Variants in AKT3 observed in about 807,000 individuals in gnomAD.
AKT3 encodes RAC-gamma serine/threonine-protein kinase.
Under a neutral mutation model 65.3 loss-of-function variants are expected in AKT3, and 15 were observed. The observed-to-expected ratio is 0.23, with a 90% CI of 0.15 to 0.35. The LOEUF (loss-of-function observed/expected upper bound fraction) is 0.35. Among genes scored for constraint, AKT3 ranks in the 10% least tolerant of loss-of-function variants. The pLI is 1.00. For synonymous variants in AKT3, 206 were observed against 183.8 expected (o/e 1.12, Z -0.98); for missense variants, 243 against 576.5 (o/e 0.42, Z 5.92).
chr1:243,609,823 AT>A lies in AKT3; in HGVS notation c.696+3847del, dbSNP rs1255699125. 2.0e-5 allele frequency among the ~76,000 whole-genome samples: 3 copies of A among 152,242 alleles called. No homozygotes were observed. In the East Asian group the frequency reaches 5.8e-4, roughly 29 times the overall value. On this transcript the variant is annotated intron_variant, in intron 8 of 13. Coordinates refer to ENST00000673466, the MANE Select transcript of AKT3 (RefSeq NM_005465.7). Reference sequence around the variant, plus strand: ...TCTGAAAATCTGCTTTTAGTGTAAAATTTTTTTCAATAATCATCAATTAATT... The same window carrying A: ...TCTGAAAATCTGCTTTTAGTGTAAAATTTTTTCAATAATCATCAATTAATT...
intron 13 of AKT3, among the ~76,000 whole-genome samples, chr1:243,510,587 C>A (rs1669953145): frequency 6.6e-6 from 1 of 152,188 alleles, no homozygotes; most frequent in South Asian, 2.1e-4. Context: ...GGAAGAAGAG[C>A]ATTCCAGGCC....
intron 2 of AKT3, among the ~76,000 whole-genome samples, chr1:243,772,758 C>T (rs1256814026): frequency 6.6e-6 from 1 of 152,050 alleles, no homozygotes; most frequent in Non-Finnish European, 1.5e-5. Context: ...TGAGGCACTA[C>T]TCACAATAGC....
At position 243,616,307 on chromosome 1, in the gene AKT3, TAAAA is replaced by T. The variant is rs57576796; in HGVS notation, c.562-1150_562-1147del. Among the ~76,000 whole-genome samples the T allele has an allele frequency of 7.1e-3, 476 of 66,780 alleles. 5 individuals are homozygous for T. The highest frequency in any genetic ancestry group is 0.027 in the African/African-American group (457 of 17,050). 43.8% of individuals were successfully genotyped at this position (66,780 alleles called of 152,430 possible). A position where few individuals can be genotyped will look rare whatever the true frequency, so the allele number is the denominator to read the frequency against. ...GACTACAGGTTTAATGTGCTTTTCT[TAAAA>T]AAAAAAAAAAAAAAAAAAAAAGCTC... On this transcript the variant is annotated intron_variant, in intron 6 of 13. Coordinates refer to ENST00000673466, the MANE Select transcript of AKT3 (RefSeq NM_005465.7).
At chr1:243,580,338 C>T (rs1235466705) in intron 8 of AKT3, among the ~76,000 whole-genome samples, 3 of 152,170 alleles carry the variant, frequency 2.0e-5, no homozygotes, top group African/African-American at 7.2e-5. Context: ...AGGGAGAGCA[C>T]TTTGTTTCTC....
intron 2 of AKT3, among the ~76,000 whole-genome samples, chr1:243,723,250 T>C (rs1687020892): frequency 6.6e-6 from 1 of 152,212 alleles, no homozygotes; most frequent in African/African-American, 2.4e-5. Context: ...AGATAACGTC[T>C]AGCCTAGGAG....
At chr1:243,532,909 C>CA (rs1156517078) in intron 12 of AKT3, among the ~76,000 whole-genome samples, 1 of 152,180 alleles carries the variant, frequency 6.6e-6, no homozygotes, top group Non-Finnish European at 1.5e-5. Flanking sequence ...GTGTCCATTT[C>CA]ATCTAGGTTA....
intron 2 of AKT3, among the ~76,000 whole-genome samples, chr1:243,742,848 G>C (rs888254451): frequency 9.9e-5 from 15 of 150,960 alleles, no homozygotes; most frequent in African/African-American, 3.4e-4. Flanking sequence ...GGGGCTCCAG[G>C]GTATCTTTTT....
chr1:243,726,750 G>A (rs563004987), intron 2 of AKT3, among the ~76,000 whole-genome samples: 1 of 152,276 alleles, frequency 6.6e-6, no homozygotes, highest in South Asian at 2.1e-4. Context: ...TCAAACTTAT[G>A]TTTTTATTTT....
At chr1:243,660,675 A>C (rs1682237163) in intron 4 of AKT3, among the ~76,000 whole-genome samples, 1 of 152,040 alleles carries the variant, frequency 6.6e-6, no homozygotes, top group Non-Finnish European at 1.5e-5. Flanking sequence ...CTCTCTCACC[A>C]CTCCTGTTCA....
chr1:243,516,223 T>G (rs1195061890), intron 12 of AKT3, among the ~76,000 whole-genome samples: 1 of 152,230 alleles, frequency 6.6e-6, no homozygotes, highest in Non-Finnish European at 1.5e-5. Context: ...TATTTCTTCT[T>G]GGTAATTTGT....
intron 8 of AKT3, among the ~76,000 whole-genome samples, chr1:243,588,936 C>A (rs957074017): frequency 6.6e-6 from 1 of 152,068 alleles, no homozygotes; most frequent in Non-Finnish European, 1.5e-5. Context: ...AGAAAACAAT[C>A]AACAGAGTCA....
chr1:243,723,740 G>A (rs1304922499), intron 2 of AKT3, among the ~76,000 whole-genome samples: 2 of 152,014 alleles, frequency 1.3e-5, no homozygotes, highest in African/African-American at 4.8e-5. Context: ...CTTGGGTAGA[G>A]ATCCTGTCTC....
intron 12 of AKT3, among the ~76,000 whole-genome samples, chr1:243,521,088 T>A (rs930904391): frequency 3.3e-5 from 5 of 152,224 alleles, no homozygotes; most frequent in Non-Finnish European, 7.3e-5. Context: ...ATCTATATTC[T>A]TTCTTCTATT....
At chr1:243,773,825 A>G (rs1203420128) in intron 2 of AKT3, among the ~76,000 whole-genome samples, 1 of 152,200 alleles carries the variant, frequency 6.6e-6, no homozygotes, top group Non-Finnish European at 1.5e-5. Context: ...CTTCTCTATA[A>G]ATATCTCCCC....
At chr1:243,604,471 T>C (rs184812281) in intron 8 of AKT3, among the ~76,000 whole-genome samples, 1 of 152,318 alleles carries the variant, frequency 6.6e-6, no homozygotes, top group East Asian at 1.9e-4. Context: ...CACTGTGCTA[T>C]ATTCGGTGGG....
Position 243,692,878 on chromosome 1 carries a change from TGGTAAGAAAA to T in AKT3, c.172+2703_172+2712del, listed in dbSNP as rs1397318948. Among the ~76,000 whole-genome samples, 5 of 152,178 alleles carry T rather than the reference TGGTAAGAAAA, an allele frequency of 3.3e-5. No individual in the cohort carries two copies. In the East Asian group the frequency reaches 7.8e-4, roughly 24 times the overall value. On this transcript the variant is annotated intron_variant, in intron 3 of 13. Transcript: ENST00000673466. ...AGGAGCCTCAGCCATGAACCTGAAA[TGGTAAGAAAA>T]GATATTTCTTTTCCCCTACATTAGC...
At chr1:243,535,574 A>T (rs1415526237) in intron 12 of AKT3, among the ~76,000 whole-genome samples, 3 of 152,118 alleles carry the variant, frequency 2.0e-5, no homozygotes, top group Non-Finnish European at 4.4e-5. Flanking sequence ...ATGGCTAGTG[A>T]TATTCCAAGG....
chr1:243,720,738 G>A (rs1686839435), intron 2 of AKT3, among the ~76,000 whole-genome samples: 1 of 152,098 alleles, frequency 6.6e-6, no homozygotes, highest in Non-Finnish European at 1.5e-5. Context: ...AATACAATTT[G>A]GAGCCAATCA....
chr1:243,596,706 C>T (rs1676640616), intron 8 of AKT3, among the ~76,000 whole-genome samples: 1 of 152,182 alleles, frequency 6.6e-6, no homozygotes, highest in Admixed American at 6.5e-5. Context: ...ATAAATCCAA[C>T]AATCATACTC....
Sources: allele counts gnomAD v4.1 joint callset (sites outside exome capture counted in the v4.1 genomes callset), GRCh38; gene constraint gnomAD v4.1.1; transcripts MANE v1.5; gene names NCBI Gene and HGNC (gene_info 2026-07-23, HGNC 2026-07-21).